The following ADK variants were observed in gnomAD, a reference collection of about 807,000 sequenced individuals.
The protein encoded by ADK is adenosine kinase.
Under a neutral mutation model 44.7 loss-of-function variants are expected in ADK, and 24 were observed. The observed-to-expected ratio is 0.54, with a 90% confidence interval of 0.39 to 0.76. ADK has a LOEUF of 0.76. Ranked by LOEUF, ADK falls within the 30% of genes least tolerant of loss-of-function variation. ADK has a pLI of 0.00. For missense variants in ADK, 321 were observed against 425.1 expected (o/e 0.76, Z 2.15); for synonymous variants, 128 against 142.6 (o/e 0.90, Z 0.73).
chr10:74,502,686 C>T (rs1343986838), intron 6 of ADK, among the ~76,000 whole-genome samples: 2 of 152,030 alleles, frequency 1.3e-5, no homozygotes, highest in African/African-American at 4.8e-5. Context: ...CTGTTTTCAA[C>T]GAAACTATTC....
At chr10:74,331,055 T>C (rs1452462757) in intron 4 of ADK, among the ~76,000 whole-genome samples, 5 of 152,252 alleles carry the variant, frequency 3.3e-5, no homozygotes, top group Non-Finnish European at 7.3e-5. Flanking sequence ...CTTTTTTGTT[T>C]TCATTTCTTT....
At chr10:74,700,742 A>T (rs1589381372) in intron 10 of ADK, among the ~76,000 whole-genome samples, 1 of 152,202 alleles carries the variant, frequency 6.6e-6, no homozygotes, top group South Asian at 2.1e-4. Flanking sequence ...GCTTAAAGGG[A>T]TGGTGAGGAG....
At chr10:74,700,219 C>A (rs11001115) in intron 10 of ADK, among the ~76,000 whole-genome samples, 65,481 of 151,946 alleles carry the variant, frequency 0.43, 16,424 homozygotes, top group Middle Eastern at 0.6. Context: ...AAAATCTCTA[C>A]CAATTGATGT....
intron 7 of ADK, among the ~76,000 whole-genome samples, chr10:74,548,359 C>A (rs1215165598): frequency 6.6e-6 from 1 of 152,040 alleles, no homozygotes; most frequent in Non-Finnish European, 1.5e-5. Context: ...AAATGTTAAT[C>A]TTTTTGATTC....
chr10:74,392,921 TTCCATTGTGTGG>T (rs1388522818), intron 4 of ADK, among the ~76,000 whole-genome samples: 2 of 152,134 alleles, frequency 1.3e-5, no homozygotes, highest in Admixed American at 6.6e-5. Flanking sequence ...CTGTGTGGTA[TTCCATTGTGTGG>T]ATATATCATA....
intron 4 of ADK, among the ~76,000 whole-genome samples, chr10:74,337,721 C>T (rs1841452553): frequency 6.6e-6 from 1 of 150,658 alleles, no homozygotes; most frequent in Non-Finnish European, 1.5e-5. Context: ...AGCTTACTAA[C>T]TGTGAGCTTG....
intron 3 of ADK, among the ~76,000 whole-genome samples, chr10:74,236,782 C>G (rs1019722448): frequency 1.3e-5 from 2 of 152,094 alleles, no homozygotes; most frequent in Non-Finnish European, 2.9e-5. Flanking sequence ...TGATATCACA[C>G]TGTAATCTAT....
intron 3 of ADK, among the ~76,000 whole-genome samples, chr10:74,253,765 C>CA (rs1845729983): frequency 1.8e-5 from 2 of 108,832 alleles, no homozygotes; most frequent in African/African-American, 6.0e-5. Context: ...CTCTACACTG[C>CA]CTTTTTTTTT....
chr10:74,633,613 C>T (rs1183128977), intron 9 of ADK, among the ~76,000 whole-genome samples: 35 of 152,058 alleles, frequency 2.3e-4, no homozygotes, highest in Non-Finnish European at 4.4e-5. Context: ...ATACAGAATT[C>T]CAAACTAAAT....
chr10:74,336,275 T>C (rs1241139609), intron 4 of ADK, among the ~76,000 whole-genome samples: 2 of 152,232 alleles, frequency 1.3e-5, no homozygotes, highest in African/African-American at 4.8e-5. Flanking sequence ...GATCCATTAC[T>C]CTTCCCTGAA....
chr10:74,297,411 T>A (rs576570089), intron 3 of ADK, among the ~76,000 whole-genome samples: 1 of 152,372 alleles, frequency 6.6e-6, no homozygotes, highest in South Asian at 2.1e-4. Flanking sequence ...TGAAACAGAC[T>A]TGGTTTTTAA....
Position 74,387,177 on chromosome 10 carries a change from C to T in ADK, c.274-6964C>T, listed in dbSNP as rs558774746. On this transcript the variant is annotated intron_variant, in intron 4 of 10. Transcript: ENST00000539909. ...TTCTTGAACTCCTGACCTCGTGATC[C>T]GCCTGCCTCAGCCTTCCAAAGTGCT... Among the ~76,000 whole-genome samples, 5 of 152,250 alleles carry T rather than the reference C, an allele frequency of 3.3e-5. No individual in the cohort carries two copies. In the South Asian group the frequency reaches 6.2e-4, roughly 19 times the overall value.
At chr10:74,555,034 C>T (rs922343583) in intron 7 of ADK, among the ~76,000 whole-genome samples, 2 of 151,478 alleles carry the variant, frequency 1.3e-5, no homozygotes, top group South Asian at 2.1e-4. Context: ...CGGTGGCTCA[C>T]GCCTGTAATC....
intron 6 of ADK, among the ~76,000 whole-genome samples, chr10:74,452,028 A>G (rs1845799062): frequency 6.6e-6 from 1 of 151,914 alleles, no homozygotes; most frequent in Non-Finnish European, 1.5e-5. Flanking sequence ...TTCTCGGTGT[A>G]TAGATATGAT....
At chr10:74,431,608 G>A (rs983087294) in intron 6 of ADK, among the ~76,000 whole-genome samples, 8 of 152,094 alleles carry the variant, frequency 5.3e-5, no homozygotes, top group Non-Finnish European at 7.4e-5. Flanking sequence ...AGGTGTGGTA[G>A]CTGGCACCTG....
intron 9 of ADK, among the ~76,000 whole-genome samples, chr10:74,667,092 A>G (rs549518796): frequency 3.9e-5 from 6 of 152,200 alleles, no homozygotes; most frequent in Admixed American, 1.3e-4. Context: ...CAGCCTCCCA[A>G]AGTGCTGGGA....
intron 3 of ADK, among the ~76,000 whole-genome samples, chr10:74,277,532 G>A (rs1157389045): frequency 2.6e-5 from 4 of 152,046 alleles, no homozygotes; most frequent in African/African-American, 4.8e-5. Flanking sequence ...AAGTAGCTGG[G>A]ACTACAGGCA....
chr10:74,674,899 A>AATTG (rs1331370319), intron 10 of ADK, among the ~76,000 whole-genome samples: 2 of 151,938 alleles, frequency 1.3e-5, no homozygotes, highest in Non-Finnish European at 2.9e-5. Context: ...TTAATTAATT[A>AATTG]ATTAATAAAA....
At chr10:74,288,694 T>C (rs1024343796) in intron 3 of ADK, among the ~76,000 whole-genome samples, 1 of 152,112 alleles carries the variant, frequency 6.6e-6, no homozygotes, top group East Asian at 1.9e-4. Context: ...CATTACAGAG[T>C]AAAAAGTCTT....
Sources: gnomAD v4.1 joint callset for allele counts (sites outside exome capture counted in the v4.1 genomes callset) on GRCh38, gnomAD v4.1.1 for gene constraint, MANE v1.5 for transcripts, NCBI Gene and HGNC (gene_info 2026-07-23, HGNC 2026-07-21) for gene names.